The following ARSB variants were observed in gnomAD, a reference collection of about 807,000 sequenced individuals.
ARSB encodes the protein N-acetylgalactosamine-4-sulfatase.
Under a neutral mutation model 50.9 loss-of-function variants are expected in ARSB, and 41 were observed. The ratio of observed to expected loss-of-function variants is 0.81; its 90% confidence interval spans 0.63 to 1.04. The LOEUF (loss-of-function observed/expected upper bound fraction) is 1.04, where lower values mean the gene tolerates loss of function less well. ARSB is among the 50% of genes least tolerant of loss of function. ARSB has a pLI of 0.00. For synonymous variants in ARSB, 269 were observed against 284.8 expected, an observed-to-expected ratio of 0.94 and a Z score of 0.56; for missense variants, 672 against 693.3, an observed-to-expected ratio of 0.97 and a Z score of 0.35.
In ARSB at chr5:78,885,769, C is replaced by A. The variant is rs1227659432; in HGVS notation, c.957G>T (p.Trp319Cys). The A allele has an allele frequency of 6.2e-7, 1 of 1,614,124 alleles. No individual in the cohort carries two copies. The highest frequency in any genetic ancestry group is 1.3e-5 in the African/African-American group (1 of 75,012). Residue 319 changes from tryptophan (W) to cysteine (C), a missense_variant, in exon 5 of 8, where the codon TGG becomes TGT. Trp to Cys is a radical substitution (Grantham distance 215). Coordinates refer to ENST00000264914, the MANE Select transcript of ARSB (RefSeq NM_000046.5). The stretch of plus-strand genomic sequence containing the variant: ...CTCGGACGCCTCCTTCCCACAGGCT[C>A]CATTTTCTTCCTCGAAGGGGCCAGT... ...GNNWPLRGRK[W>C]SLWEGGVRGV... is the part of the protein sequence containing the mutation.
intron 5 of ARSB, among the ~76,000 whole-genome samples, chr5:78,878,101 TAA>T (rs1481482415): frequency 6.6e-6 from 1 of 152,124 alleles, no homozygotes; most frequent in Non-Finnish European, 1.5e-5. Context: ...TTTTTTTAAA[TAA>T]AAAGAGCATT....
At chr5:78,824,065 A>G (rs1744338603) in intron 6 of ARSB, among the ~76,000 whole-genome samples, 2 of 152,194 alleles carry the variant, frequency 1.3e-5, no homozygotes, top group Non-Finnish European at 2.9e-5. Context: ...TGTTCTTTAA[A>G]AGAGCCTGGC....
At chr5:78,898,168 G>C (rs571040102) in intron 4 of ARSB, among the ~76,000 whole-genome samples, 1 of 151,986 alleles carries the variant, frequency 6.6e-6, no homozygotes, top group Non-Finnish European at 1.5e-5. Flanking sequence ...CTCAGGAGGC[G>C]GAGGCAGGAG....
At chr5:78,890,135 T>G (rs1406453655) in intron 4 of ARSB, among the ~76,000 whole-genome samples, 1 of 152,172 alleles carries the variant, frequency 6.6e-6, no homozygotes, top group Non-Finnish European at 1.5e-5. Flanking sequence ...AGTGCTAATA[T>G]ATGTCTTAGT....
At chr5:78,972,268 G>T (rs951467191) in intron 1 of ARSB, among the ~76,000 whole-genome samples, 3 of 152,110 alleles carry the variant, frequency 2.0e-5, no homozygotes, top group Non-Finnish European at 4.4e-5. Flanking sequence ...CTCCTTCTAG[G>T]TTCTGGTAAT....
chr5:78,873,702 A>T (rs556286276), intron 5 of ARSB, among the ~76,000 whole-genome samples: 1 of 151,236 alleles, frequency 6.6e-6, no homozygotes, highest in African/African-American at 2.4e-5. Context: ...TCACCGTTTT[A>T]GCCGGGATGG....
At chr5:78,982,502 C>G (rs1000633042) in intron 1 of ARSB, among the ~76,000 whole-genome samples, 1 of 152,124 alleles carries the variant, frequency 6.6e-6, no homozygotes, top group Non-Finnish European at 1.5e-5. Flanking sequence ...TTTGAGTAGG[C>G]AATATGGCTT....
intron 5 of ARSB, among the ~76,000 whole-genome samples, chr5:78,859,992 A>T (rs186796096): frequency 2.0e-5 from 3 of 152,332 alleles, no homozygotes. Flanking sequence ...ATCAAATAAT[A>T]TAGCATTCCT....
intron 5 of ARSB, among the ~76,000 whole-genome samples, chr5:78,870,742 T>G (rs377323476): frequency 0.12 from 18,020 of 148,782 alleles, 1,213 homozygotes; most frequent in Middle Eastern, 0.2. Context: ...GCATTCCCTT[T>G]GAAAACTGGC....
chr5:78,913,909 A>T lies in ARSB; in HGVS notation c.899-28082T>A, dbSNP rs72635604. Among the ~76,000 whole-genome samples the T allele has an allele frequency of 0.01, 1,553 of 152,096 alleles. 105 individuals are homozygous for T. In the East Asian group the frequency reaches 0.19, roughly 19 times the overall value. ...CTATAAAAGGTTAAATATTTACCTT[A>T]GGAGTAGAATAATAATAATTCACAT... On this transcript the variant is annotated intron_variant, in intron 4 of 7. Transcript: ENST00000264914.
At chr5:78,801,967 A>G (rs1743411256) in intron 6 of ARSB, among the ~76,000 whole-genome samples, 2 of 152,096 alleles carry the variant, frequency 1.3e-5, no homozygotes, top group African/African-American at 4.8e-5. Context: ...AGCCAGCGTT[A>G]TCTTAACTAA....
At chr5:78,800,420 T>C (rs1743344948) in intron 6 of ARSB, among the ~76,000 whole-genome samples, 1 of 151,888 alleles carries the variant, frequency 6.6e-6, no homozygotes, top group African/African-American at 2.4e-5. Context: ...CCATGCATTT[T>C]ACCCAGACCT....
chr5:78,975,053 G>A lies in ARSB; in HGVS notation c.313-5861C>T, dbSNP rs149224117. Among the ~76,000 whole-genome samples the A allele has an allele frequency of 7.1e-3, 1,088 of 152,270 alleles. 4 individuals carry two copies. Among genetic ancestry groups the A allele is most frequent in the Non-Finnish European group, 0.012 (783 of 68,012 alleles). ...GCCTTTGCCAGGGGATCCTAGGAGC[G>A]CCCACCTTGAGACATGCACTTTCCC... is the stretch of plus-strand genomic sequence containing the variant. On this transcript the variant is annotated intron_variant, in intron 1 of 7. Transcript: ENST00000264914.
intron 2 of ARSB, among the ~76,000 whole-genome samples, chr5:78,967,732 C>G (rs1459408123): frequency 6.6e-6 from 1 of 151,776 alleles, no homozygotes; most frequent in African/African-American, 2.4e-5. Context: ...CAGCCTAGAG[C>G]CATGCAACTT....
At chr5:78,896,883 T>A (rs1266091847) in intron 4 of ARSB, among the ~76,000 whole-genome samples, 2 of 152,080 alleles carry the variant, frequency 1.3e-5, no homozygotes, top group Admixed American at 6.6e-5. Context: ...TTAAAAAAAA[T>A]AACTCTCAGT....
At position 78,777,568 on chromosome 5, in the gene ARSB, A is replaced by G. The variant is rs1025309630; in HGVS notation, c.*2829T>C. 5 of 152,564 alleles carry G rather than the reference A, an allele frequency of 3.3e-5. No individual in the cohort carries two copies. The highest frequency in any genetic ancestry group is 1.2e-4 in the African/African-American group (5 of 41,408). 9.5% of individuals were successfully genotyped at this position (152,564 alleles called of 1,614,324 possible). A position where few individuals can be genotyped will look rare whatever the true frequency, so the allele number is the denominator to read the frequency against. On this transcript the variant is annotated 3_prime_UTR_variant, in exon 8 of 8. Transcript: ENST00000264914. ...CAAAACCTTCTGTAAAGGTAAAAAAATTTGCCGGGCACAGTGGCTCACACC... is the reference window on the plus strand; with the variant it reads ...CAAAACCTTCTGTAAAGGTAAAAAAGTTTGCCGGGCACAGTGGCTCACACC...
intron 6 of ARSB, among the ~76,000 whole-genome samples, chr5:78,823,137 C>A (rs1479013755): frequency 6.6e-6 from 1 of 152,194 alleles, no homozygotes; most frequent in African/African-American, 2.4e-5. Flanking sequence ...CCATTTTTCA[C>A]ATGCTCTGAA....
intron 5 of ARSB, among the ~76,000 whole-genome samples, chr5:78,872,816 TAAAA>T (rs56211605): frequency 7.8e-6 from 1 of 128,088 alleles, no homozygotes; most frequent in African/African-American, 2.9e-5. Context: ...AAAGTATAAT[TAAAA>T]AAAAAAAAAA....
chr5:78,787,282 A>G (rs1749117927), intron 6 of ARSB, among the ~76,000 whole-genome samples: 1 of 152,186 alleles, frequency 6.6e-6, no homozygotes, highest in Non-Finnish European at 1.5e-5. Flanking sequence ...CCACACTACC[A>G]GGACTTGTCA....
Sources: allele counts gnomAD v4.1 joint callset (sites outside exome capture counted in the v4.1 genomes callset), GRCh38; gene constraint gnomAD v4.1.1; transcripts MANE v1.5; gene names NCBI Gene and HGNC (gene_info 2026-07-23, HGNC 2026-07-21).